CHN1: variants seen among roughly 807,000 people sequenced by gnomAD.
The protein encoded by CHN1 is N-chimaerin.
A neutral mutation model predicts 59.5 loss-of-function variants in CHN1; 37 were observed. The observed-to-expected ratio is 0.62, with a 90% CI of 0.48 to 0.82. The LOEUF is 0.82. CHN1 is among the 40% of genes least tolerant of loss of function. CHN1 has a pLI of 0.00. For missense variants in CHN1, 469 were observed against 571.0 expected (o/e 0.82, Z 1.82); for synonymous variants, 206 against 200.4 (o/e 1.03, Z -0.24).
intron 5 of CHN1, among the ~76,000 whole-genome samples, chr2:174,882,561 T>C (rs1377594608): frequency 1.3e-5 from 2 of 152,220 alleles, no homozygotes; most frequent in African/African-American, 2.4e-5. Context: ...CAAAGTGATT[T>C]GAAAGGATCT....
chr2:174,935,915 A>G (rs1213692544), intron 3 of CHN1, among the ~76,000 whole-genome samples: 1 of 152,216 alleles, frequency 6.6e-6, no homozygotes, highest in African/African-American at 2.4e-5. Context: ...CCCAGGCAAC[A>G]CAGCAAGATT....
intron 7 of CHN1, among the ~76,000 whole-genome samples, chr2:174,844,398 TA>T (rs1023639728): frequency 6.6e-6 from 1 of 152,112 alleles, no homozygotes; most frequent in Non-Finnish European, 1.5e-5. Context: ...CTCCCTGAAA[TA>T]AGGTTTGACA....
At chr2:174,937,893 A>G (rs1452134423) in intron 3 of CHN1, among the ~76,000 whole-genome samples, 1 of 152,178 alleles carries the variant, frequency 6.6e-6, no homozygotes, top group Non-Finnish European at 1.5e-5. Context: ...AAATGCTGGC[A>G]CTGTGTTTCT....
chr2:174,812,912 G>C (rs1440825392), intron 8 of CHN1, among the ~76,000 whole-genome samples: 1 of 152,100 alleles, frequency 6.6e-6, no homozygotes, highest in Non-Finnish European at 1.5e-5. Flanking sequence ...GGAATATCCA[G>C]GGCCCTCTTA....
intron 6 of CHN1, among the ~76,000 whole-genome samples, chr2:174,872,162 T>C (rs1428225800): frequency 2.0e-5 from 3 of 152,114 alleles, no homozygotes; most frequent in African/African-American, 7.2e-5. Context: ...GCACAGCTTG[T>C]AGTCCCAGCT....
At chr2:174,990,262 TGAGAGAGAGA>T (rs147367573) in intron 1 of CHN1, among the ~76,000 whole-genome samples, 1,465 of 89,426 alleles carry the variant, frequency 0.016, 16 homozygotes, top group Non-Finnish European at 0.02. Flanking sequence ...TGTGTGTGTG[TGAGAGAGAGA>T]GAGAGAGAGA....
At chr2:174,847,168 T>C (rs1400232172) in intron 6 of CHN1, 1 of 1,527,982 alleles carries the variant, frequency 6.5e-7, no homozygotes, top group East Asian at 2.5e-5. Context: ...TATAGTGGTC[T>C]ATGTCTGTCG....
At chr2:174,917,000 T>C (rs1688865651) in intron 4 of CHN1, among the ~76,000 whole-genome samples, 1 of 152,234 alleles carries the variant, frequency 6.6e-6, no homozygotes, top group Non-Finnish European at 1.5e-5. Context: ...GAGACTAGCC[T>C]GGCCAACATG....
chr2:174,879,850 C>T (rs1354048490), intron 5 of CHN1, among the ~76,000 whole-genome samples: 1 of 152,088 alleles, frequency 6.6e-6, no homozygotes, highest in Non-Finnish European at 1.5e-5. Context: ...AAAAACAATC[C>T]AAGCAATGGT....
At chr2:174,822,708 A>G (rs1191862116) in intron 8 of CHN1, among the ~76,000 whole-genome samples, 1 of 152,198 alleles carries the variant, frequency 6.6e-6, no homozygotes, top group Non-Finnish European at 1.5e-5. Context: ...TGCAATGCAC[A>G]CTGCCTCAAT....
chr2:174,830,983 T>C (rs115812089), intron 7 of CHN1, among the ~76,000 whole-genome samples: 1,681 of 152,264 alleles, frequency 0.011, 22 homozygotes, highest in East Asian at 0.027. Context: ...CTACTAGACA[T>C]ACATTGACCA....
chr2:174,991,074 A>C (rs568445570), intron 1 of CHN1, among the ~76,000 whole-genome samples: 1 of 152,326 alleles, frequency 6.6e-6, no homozygotes, highest in South Asian at 2.1e-4. Flanking sequence ...CCATTCTGTA[A>C]AACAATCATT....
chr2:174,988,300 T>C (rs538157873), intron 1 of CHN1, among the ~76,000 whole-genome samples: 1 of 144,128 alleles, frequency 6.9e-6, no homozygotes, highest in South Asian at 2.2e-4. Context: ...GAGCTTGCAG[T>C]GAGTCGAGAT....
intron 11 of CHN1, 134 bp downstream of exon 11, chr2:174,808,771 G>C (rs1367131279): frequency 4.4e-6 from 4 of 900,198 alleles, no homozygotes; most frequent in Non-Finnish European, 1.7e-6. Context: ...CAAAATTCTT[G>C]TAAGTACATT....
At chr2:174,825,278 T>C (rs113623783) in intron 7 of CHN1, among the ~76,000 whole-genome samples, 2 of 152,330 alleles carry the variant, frequency 1.3e-5, no homozygotes, top group African/African-American at 2.4e-5. Context: ...GAGATACTTA[T>C]TGATGGGTCA....
chr2:174,985,676 C>T (rs1691315188), intron 1 of CHN1, among the ~76,000 whole-genome samples: 1 of 152,114 alleles, frequency 6.6e-6, no homozygotes, highest in Non-Finnish European at 1.5e-5. Flanking sequence ...TTTTACGGAT[C>T]TTCAACAAAG....
At chr2:174,867,201 CTA>C (rs1687246005) in intron 6 of CHN1, among the ~76,000 whole-genome samples, 1 of 151,730 alleles carries the variant, frequency 6.6e-6, no homozygotes, top group South Asian at 2.1e-4. Flanking sequence ...TGGTGAAACT[CTA>C]TCTTTACTAA....
intron 8 of CHN1, among the ~76,000 whole-genome samples, chr2:174,814,965 T>C (rs1685197368): frequency 6.6e-6 from 1 of 152,210 alleles, no homozygotes; most frequent in Non-Finnish European, 1.5e-5. Flanking sequence ...AGCTATTTTT[T>C]TTTTCAAATA....
chr2:174,828,438 G>A (rs992115331), intron 7 of CHN1, among the ~76,000 whole-genome samples: 2 of 152,074 alleles, frequency 1.3e-5, no homozygotes, highest in East Asian at 1.9e-4. Context: ...TGATGTTTAC[G>A]TCACATACTT....
Sources: allele counts gnomAD v4.1 joint callset (sites outside exome capture counted in the v4.1 genomes callset), GRCh38; gene constraint gnomAD v4.1.1; transcripts MANE v1.5; gene names NCBI Gene and HGNC (gene_info 2026-07-23, HGNC 2026-07-21).